GNAL: variants seen among roughly 807,000 people sequenced by gnomAD.
GNAL encodes G protein subunit alpha L, also known as guanine nucleotide-binding protein G(olf) subunit alpha.
In GNAL, 18 loss-of-function variants were observed where a neutral mutation model predicts 55.1. That is an observed-to-expected ratio of 0.33 (90% confidence interval 0.23 to 0.48). The LOEUF (loss-of-function observed/expected upper bound fraction) is 0.48. GNAL is among the 20% of genes least tolerant of loss of function. GNAL has a pLI of 0.99. For synonymous variants in GNAL, 253 were observed against 237.0 expected (o/e 1.07, Z -0.62); for missense variants, 412 against 614.1 (o/e 0.67, Z 3.48).
intron 6 of GNAL, among the ~76,000 whole-genome samples, chr18:11,862,669 T>C (rs557475880): frequency 2.0e-5 from 3 of 152,318 alleles, no homozygotes; most frequent in East Asian, 3.9e-4. Flanking sequence ...ATTGCCAGCA[T>C]GCAAATGAGT....
At chr18:11,855,456 A>G (rs757289094) in intron 5 of GNAL, among the ~76,000 whole-genome samples, 4 of 152,190 alleles carry the variant, frequency 2.6e-5, no homozygotes, top group Non-Finnish European at 4.4e-5. Context: ...TGGATTTAGG[A>G]TTGAAAGAAA....
intron 8 of GNAL, among the ~76,000 whole-genome samples, chr18:11,867,803 C>A (rs1446380402): frequency 1.4e-5 from 2 of 145,740 alleles, no homozygotes; most frequent in East Asian, 2.1e-4. Flanking sequence ...GGCAAAAGAG[C>A]GAGACTCTGT....
At chr18:11,851,378 C>T (rs916858928) in intron 5 of GNAL, 20 of 1,195,142 alleles carry the variant, frequency 1.7e-5, no homozygotes, top group African/African-American at 4.6e-5. Context: ...GACGTCACCA[C>T]CTGCGCCGCT....
In GNAL at chr18:11,870,608, A is replaced by G. The variant is rs542726680; in HGVS notation, c.1032-1660A>G. Among the ~76,000 whole-genome samples the G allele has an allele frequency of 3.3e-5, 5 of 152,286 alleles. No individual in the cohort carries two copies. The East Asian group carries it at 7.7e-4, about 23-fold the overall frequency. ...CACTAATAACTAGATGATCTCTAAG[A>G]TCCCTTACAGCTCACAATCACCACA... is the stretch of plus-strand genomic sequence containing the variant. On this transcript the variant is annotated intron_variant, in intron 9 of 11. Coordinates refer to ENST00000334049, the MANE Select transcript of GNAL (RefSeq NM_182978.4).
At chr18:11,690,052 C>T (rs2031192256) in intron 1 of GNAL, 113 bp downstream of exon 1, 2 of 508,422 alleles carry the variant, frequency 3.9e-6, no homozygotes, top group South Asian at 1.7e-4. Flanking sequence ...GCGGGAGGGG[C>T]TCCTGAATCC....
At chr18:11,754,101 A>C (rs2032955704) in intron 4 of GNAL, among the ~76,000 whole-genome samples, 156 bp downstream of exon 4, 1 of 152,124 alleles carries the variant, frequency 6.6e-6, no homozygotes, top group Admixed American at 6.6e-5. Context: ...TTCTGTACCA[A>C]AATATTTGTG....
At chr18:11,880,317 C>T (rs1054692424) in intron 11 of GNAL, among the ~76,000 whole-genome samples, 2 of 150,134 alleles carry the variant, frequency 1.3e-5, no homozygotes, top group Non-Finnish European at 2.9e-5. Context: ...GCCTATAATC[C>T]CAGCACTTTG....
In GNAL at chr18:11,751,567, C is replaced by A. The variant is rs1197637531; in HGVS notation, c.377-1286C>A. The A allele has an allele frequency of 2.0e-6, 2 of 985,352 alleles. No homozygotes were observed. The highest frequency in any genetic ancestry group is 1.2e-6 in the Non-Finnish European group (1 of 829,952). 61.0% of individuals were successfully genotyped at this position (985,352 alleles called of 1,614,324 possible). ...ATATGCATGATCCTCCGCGAGTCTT[C>A]GCCCGCCAGGAGCAGGGACGCGTCC... On this transcript the variant is annotated intron_variant, in intron 1 of 11. Transcript: ENST00000334049. The surrounding 1 kb of genome is among the most constrained non-coding windows in gnomAD (Gnocchi z 4.5).
At chr18:11,715,037 C>T (rs1254582256) in intron 1 of GNAL, among the ~76,000 whole-genome samples, 1 of 151,764 alleles carries the variant, frequency 6.6e-6, no homozygotes, top group African/African-American at 2.4e-5. Context: ...CCCAACTACT[C>T]AGGAGGCTGA....
intron 4 of GNAL, among the ~76,000 whole-genome samples, chr18:11,805,078 A>G (rs1458960724): frequency 6.6e-6 from 1 of 151,180 alleles, no homozygotes; most frequent in Admixed American, 6.6e-5. Context: ...GAACATGGAG[A>G]TACTGTGTAG....
At chr18:11,723,312 T>G (rs1052570821) in intron 1 of GNAL, among the ~76,000 whole-genome samples, 1 of 152,264 alleles carries the variant, frequency 6.6e-6, no homozygotes. Context: ...TTTCGTATAG[T>G]TCTCACATGT....
chr18:11,865,803 C>G (rs1172592634), intron 7 of GNAL, among the ~76,000 whole-genome samples: 3 of 147,830 alleles, frequency 2.0e-5, no homozygotes, highest in Non-Finnish European at 4.4e-5. Flanking sequence ...CAAATCTCAG[C>G]CCATGGTGAC....
intron 4 of GNAL, among the ~76,000 whole-genome samples, chr18:11,801,513 T>C (rs1011635447): frequency 1.3e-5 from 2 of 152,090 alleles, no homozygotes; most frequent in African/African-American, 4.8e-5. Flanking sequence ...TAGGAACTCT[T>C]AGTGAATAAG....
At chr18:11,814,636 C>T (rs996659674) in intron 4 of GNAL, among the ~76,000 whole-genome samples, 1 of 152,190 alleles carries the variant, frequency 6.6e-6, no homozygotes, top group African/African-American at 2.4e-5. Context: ...GTGGCTCACA[C>T]CTGTAATCCC....
In GNAL at chr18:11,885,222, C is replaced by T. The variant is rs1598470390; in HGVS notation, c.*4087C>T. 2 of 349,518 alleles carry T rather than the reference C, an allele frequency of 5.7e-6. No individual in the cohort carries two copies. The highest frequency in any genetic ancestry group is 2.3e-4 in the East Asian group (2 of 8,754). 21.7% of individuals were successfully genotyped at this position (349,518 alleles called of 1,614,324 possible). A position where few individuals can be genotyped will look rare whatever the true frequency, so the allele number is the denominator to read the frequency against. On this transcript the variant is annotated 3_prime_UTR_variant, in exon 12 of 12. Coordinates refer to ENST00000334049, the MANE Select transcript of GNAL (RefSeq NM_182978.4). ...GCATCATGAGCTGGATGCAGGAGCC[C>T]ATGGCTGAAAGGAGTTAAAACGCCC...
chr18:11,734,807 T>C (rs546024653), intron 1 of GNAL, among the ~76,000 whole-genome samples: 18 of 150,660 alleles, frequency 1.2e-4, no homozygotes, highest in African/African-American at 4.4e-4. Flanking sequence ...CTGGAGAAAC[T>C]TGGCATTCTC....
chr18:11,717,865 A>C (rs2032010387), intron 1 of GNAL, among the ~76,000 whole-genome samples: 1 of 152,210 alleles, frequency 6.6e-6, no homozygotes, highest in Non-Finnish European at 1.5e-5. Context: ...GTAATGAAAT[A>C]ATCTGTACAA....
At chr18:11,785,520 C>G (rs1242902811) in intron 4 of GNAL, among the ~76,000 whole-genome samples, 1 of 152,254 alleles carries the variant, frequency 6.6e-6, no homozygotes, top group Non-Finnish European at 1.5e-5. Flanking sequence ...CTGGCCCCCG[C>G]CCAGGCCTGG....
intron 10 of GNAL, among the ~76,000 whole-genome samples, chr18:11,876,268 C>G (rs604816): frequency 6.6e-6 from 1 of 152,020 alleles, no homozygotes; most frequent in Non-Finnish European, 1.5e-5. Flanking sequence ...AGTCAGGAGT[C>G]TGAGACCAGA....
Sources: allele counts gnomAD v4.1 joint callset (sites outside exome capture counted in the v4.1 genomes callset), GRCh38; gene constraint gnomAD v4.1.1; non-coding constraint Gnocchi (gnomAD v3.1); transcripts MANE v1.5; gene names NCBI Gene and HGNC (gene_info 2026-07-23, HGNC 2026-07-21).